The following HS6ST3 variants were observed in gnomAD, a reference collection of about 807,000 sequenced individuals.
HS6ST3 encodes heparan sulfate 6-O-sulfotransferase 3.
HS6ST3 carries 12 observed loss-of-function variants against 36.7 expected under a neutral mutation model. The observed-to-expected ratio is 0.33, with a 90% CI of 0.21 to 0.53. The LOEUF (loss-of-function observed/expected upper bound fraction) is 0.53. Ranked by LOEUF, HS6ST3 falls within the 20% of genes least tolerant of loss-of-function variation. The pLI is 0.95. For missense variants in HS6ST3, 584 were observed against 640.9 expected (o/e 0.91, Z 0.96); for synonymous variants, 240 against 257.5 (o/e 0.93, Z 0.65).
chr13:96,711,459 T>G (rs1445575293), intron 1 of HS6ST3, among the ~76,000 whole-genome samples: 2 of 152,252 alleles, frequency 1.3e-5, no homozygotes, highest in Non-Finnish European at 2.9e-5. Context: ...GATGCATTTT[T>G]ATTGGGAAAT....
chr13:96,801,158 G>T (rs1371245969), intron 1 of HS6ST3, among the ~76,000 whole-genome samples: 1 of 152,056 alleles, frequency 6.6e-6, no homozygotes, highest in African/African-American at 2.4e-5. Context: ...CACATTCAGT[G>T]TGTTCTTTTC....
At chr13:96,588,299 G>A (rs1303785983) in intron 1 of HS6ST3, among the ~76,000 whole-genome samples, 1 of 151,054 alleles carries the variant, frequency 6.6e-6, no homozygotes, top group Non-Finnish European at 1.5e-5. Context: ...GAGCATCCTT[G>A]TCTTGCTCTG....
intron 1 of HS6ST3, among the ~76,000 whole-genome samples, chr13:96,740,974 A>G (rs985809598): frequency 1.3e-5 from 2 of 152,336 alleles, no homozygotes; most frequent in African/African-American, 2.4e-5. Flanking sequence ...AGTAGCAGTT[A>G]TGATACTGCT....
intron 1 of HS6ST3, among the ~76,000 whole-genome samples, chr13:96,303,582 A>G (rs955784658): frequency 2.6e-5 from 4 of 152,312 alleles, no homozygotes; most frequent in Middle Eastern, 3.4e-3. Context: ...TCAAAGAAAC[A>G]AAATGGAGAG....
chr13:96,327,243 A>G lies in HS6ST3; in HGVS notation c.707+235674A>G, dbSNP rs187183095. 2.6e-3 allele frequency among the ~76,000 whole-genome samples: 399 copies of G among 151,856 alleles called. 3 individuals are homozygous for G. Among genetic ancestry groups the G allele is most frequent in the African/African-American group, 9.0e-3 (372 of 41,376 alleles). On this transcript the variant is annotated intron_variant, in intron 1 of 1. Transcript: ENST00000376705. ...CATTGCTTCTGGTGTTTTAGACATG[A>G]AGTCCTTGCCCATGCCTATGTCCTG...
At chr13:96,699,896 CA>C (rs2138451742) in intron 1 of HS6ST3, among the ~76,000 whole-genome samples, 1 of 152,278 alleles carries the variant, frequency 6.6e-6, no homozygotes, top group South Asian at 2.1e-4. Context: ...ACACAAAATA[CA>C]AAATACCACA....
chr13:96,181,385 C>T (rs373193889), intron 1 of HS6ST3, among the ~76,000 whole-genome samples: 65 of 152,292 alleles, frequency 4.3e-4, no homozygotes, highest in African/African-American at 1.5e-3. Flanking sequence ...TTTGCTATTG[C>T]GTCGTGCTCT....
chr13:96,632,824 C>A (rs1277971982), intron 1 of HS6ST3, among the ~76,000 whole-genome samples: 1 of 152,130 alleles, frequency 6.6e-6, no homozygotes, highest in African/African-American at 2.4e-5. Flanking sequence ...ATGCAACATG[C>A]GTGATTAAAG....
At chr13:96,496,350 C>T (rs1164204759) in intron 1 of HS6ST3, among the ~76,000 whole-genome samples, 2 of 152,122 alleles carry the variant, frequency 1.3e-5, no homozygotes, top group Non-Finnish European at 2.9e-5. Flanking sequence ...CAATGCCTTC[C>T]CGCTTTGTAC....
chr13:96,609,355 AAG>A (rs2056449806), intron 1 of HS6ST3, among the ~76,000 whole-genome samples: 1 of 152,166 alleles, frequency 6.6e-6, no homozygotes, highest in Admixed American at 6.5e-5. Flanking sequence ...CCAAATTATA[AAG>A]AGAGGTTTTC....
intron 1 of HS6ST3, among the ~76,000 whole-genome samples, chr13:96,342,989 T>C (rs570255061): frequency 6.6e-6 from 1 of 152,378 alleles, no homozygotes; most frequent in Non-Finnish European, 1.5e-5. Context: ...ACTGCTTCTC[T>C]GTTCTCTTAA....
At chr13:96,586,136 A>G (rs779395518) in intron 1 of HS6ST3, among the ~76,000 whole-genome samples, 4 of 152,004 alleles carry the variant, frequency 2.6e-5, no homozygotes, top group Admixed American at 2.6e-4. Context: ...TTTTGCTAGT[A>G]TTATTATCTT....
intron 1 of HS6ST3, among the ~76,000 whole-genome samples, chr13:96,771,382 G>C (rs1877260603): frequency 6.6e-6 from 1 of 151,858 alleles, no homozygotes; most frequent in Non-Finnish European, 1.5e-5. Flanking sequence ...TAACAAACCT[G>C]CACGTTGTGC....
chr13:96,304,068 G>A lies in HS6ST3; in HGVS notation c.707+212499G>A, dbSNP rs560989294. 1.1e-4 allele frequency among the ~76,000 whole-genome samples: 16 copies of A among 151,942 alleles called. No homozygotes were observed. In the East Asian group the frequency reaches 2.7e-3, roughly 26 times the overall value. On this transcript the variant is annotated intron_variant, in intron 1 of 1. Coordinates refer to ENST00000376705, the MANE Select transcript of HS6ST3 (RefSeq NM_153456.4). ...TGAGGCAGGAGAATTGCTTGAACCC[G>A]GGAGGTGGAGGTTGCAGTGAGCCGA...
intron 1 of HS6ST3, among the ~76,000 whole-genome samples, chr13:96,439,624 T>G (rs1452445896): frequency 1.3e-5 from 2 of 152,128 alleles, no homozygotes; most frequent in Non-Finnish European, 2.9e-5. Context: ...CTGTAAACTG[T>G]GAATAATAAG....
intron 1 of HS6ST3, among the ~76,000 whole-genome samples, chr13:96,125,472 A>C (rs2053946017): frequency 6.6e-6 from 1 of 152,160 alleles, no homozygotes; most frequent in Admixed American, 6.5e-5. Flanking sequence ...TTCCAGTTCT[A>C]TCTTACTTAT....
At chr13:96,570,970 TG>T (rs1334147856) in intron 1 of HS6ST3, among the ~76,000 whole-genome samples, 3 of 152,010 alleles carry the variant, frequency 2.0e-5, no homozygotes, top group African/African-American at 7.2e-5. Flanking sequence ...GAAGGAAGGA[TG>T]GGAGTGTTTT....
chr13:96,127,487 G>T (rs1307774246), intron 1 of HS6ST3, among the ~76,000 whole-genome samples: 1 of 152,146 alleles, frequency 6.6e-6, no homozygotes, highest in Non-Finnish European at 1.5e-5. Flanking sequence ...GGTGTTGCTC[G>T]CTTGCCTGCC....
At chr13:96,375,663 C>G (rs928589790) in intron 1 of HS6ST3, among the ~76,000 whole-genome samples, 2 of 152,154 alleles carry the variant, frequency 1.3e-5, no homozygotes, top group Non-Finnish European at 2.9e-5. Flanking sequence ...CAACAGGCGA[C>G]AAAAGCCAAT....
Sources: gnomAD v4.1 joint callset for allele counts (sites outside exome capture counted in the v4.1 genomes callset) on GRCh38, gnomAD v4.1.1 for gene constraint, MANE v1.5 for transcripts, NCBI Gene and HGNC (gene_info 2026-07-23, HGNC 2026-07-21) for gene names.